Variants in FGFR2 observed in about 807,000 individuals in gnomAD.
FGFR2 encodes fibroblast growth factor receptor 2.
Under a neutral mutation model 95.9 loss-of-function variants are expected in FGFR2, and 19 were observed. The observed-to-expected ratio is 0.20, with a 90% CI of 0.14 to 0.29. The LOEUF is 0.29. Ranked by LOEUF, FGFR2 falls within the 10% of genes least tolerant of loss-of-function variation. FGFR2 has a pLI of 1.00. For synonymous variants in FGFR2, 392 were observed against 393.3 expected, an observed-to-expected ratio of 1.00 and a Z score of 0.04; for missense variants, 707 against 1,056.9, an observed-to-expected ratio of 0.67 and a Z score of 4.59.
chr10:121,521,199 T>TAAGGAGATGCTGGTTTCC (rs1294999620), intron 6 of FGFR2, among the ~76,000 whole-genome samples: 2 of 152,216 alleles, frequency 1.3e-5, no homozygotes. Context: ...GAATGAAACA[T>TAAGGAGATGCTGGTTTCC]AAGGAGATGC....
rs547319962 is a variant in FGFR2, at chr10:121,598,207, G to C, written c.-396C>G. 2.0e-5 allele frequency: 8 copies of C among 397,766 alleles called. No individual in the cohort carries two copies. The South Asian group carries it at 1.0e-3, about 51-fold the overall frequency. The allele number at this position is 397,766 out of a possible 1,614,324, so 24.6% of individuals were successfully genotyped here. A position where few individuals can be genotyped will look rare whatever the true frequency, so the allele number is the denominator to read the frequency against. On this transcript the variant is annotated 5_prime_UTR_variant, in exon 1 of 18. Transcript: ENST00000358487. ...GAGAGGAAGAAAGGACTCAGGCTTG[G>C]CGTTGCCTCCACCAAACTTTGCTCG...
intron 9 of FGFR2, among the ~76,000 whole-genome samples, chr10:121,509,898 G>C (rs1017475296): frequency 4.6e-5 from 7 of 151,972 alleles, no homozygotes; most frequent in African/African-American, 1.5e-4. Flanking sequence ...TAATATTTGT[G>C]TGTTTACTCC....
chr10:121,569,915 T>G (rs2981428), intron 2 of FGFR2, among the ~76,000 whole-genome samples: 65,032 of 152,066 alleles, frequency 0.43, 17,014 homozygotes, highest in Non-Finnish European at 0.57. Context: ...CAAGCACATG[T>G]TAGGGAGAAT....
At chr10:121,532,415 CTG>C (rs1852209127) in intron 6 of FGFR2, among the ~76,000 whole-genome samples, 1 of 152,206 alleles carries the variant, frequency 6.6e-6, no homozygotes. Flanking sequence ...GAAGCCGAGA[CTG>C]AGATGCAGCC....
At chr10:121,499,196 C>T (rs780885492) in intron 11 of FGFR2, among the ~76,000 whole-genome samples, 3 of 152,150 alleles carry the variant, frequency 2.0e-5, no homozygotes, top group Admixed American at 6.5e-5. Flanking sequence ...CATAAACTTC[C>T]GCTCTGTAAT....
At chr10:121,519,767 C>T (rs977927944) in intron 7 of FGFR2, among the ~76,000 whole-genome samples, 4 of 152,182 alleles carry the variant, frequency 2.6e-5, no homozygotes, top group Non-Finnish European at 4.4e-5. Context: ...AGTTCTTCCC[C>T]AAGTTTAGTA....
At chr10:121,582,246 G>A (rs1861058441) in intron 2 of FGFR2, among the ~76,000 whole-genome samples, 1 of 151,890 alleles carries the variant, frequency 6.6e-6, no homozygotes, top group Non-Finnish European at 1.5e-5. Flanking sequence ...CTTCATTTTT[G>A]CAATTATTTG....
chr10:121,500,866 C>CTTGTCT lies in FGFR2; in HGVS notation c.1515_1520dup (p.Asp506_Lys507dup). The stretch of plus-strand genomic sequence containing the variant: ...CGGCCACGGTGACCGCCTCCTTGGG[C>CTTGTCT]TTGTCTTTGTCAATTCCCACTGCTT... On this transcript the variant is annotated inframe_insertion, in exon 11 of 18. Transcript: ENST00000358487. 6.2e-7 allele frequency: 1 copy of CTTGTCT among 1,614,210 alleles called. No homozygotes were observed. The highest frequency in any genetic ancestry group is 8.5e-7 in the Non-Finnish European group (1 of 1,180,046).
chr10:121,525,718 C>A (rs373580743), intron 6 of FGFR2, among the ~76,000 whole-genome samples: 34 of 152,194 alleles, frequency 2.2e-4, no homozygotes, highest in East Asian at 1.7e-3. Flanking sequence ...ACATGCCAGT[C>A]CTCCTCTGGA....
chr10:121,583,971 C>G (rs1861368197), intron 2 of FGFR2, among the ~76,000 whole-genome samples: 1 of 151,980 alleles, frequency 6.6e-6, no homozygotes, highest in Non-Finnish European at 1.5e-5. Flanking sequence ...TGTTAAAGTA[C>G]CTAGCACAGA....
intron 17 of FGFR2, among the ~76,000 whole-genome samples, chr10:121,481,370 G>A (rs1368950892): frequency 2.1e-5 from 3 of 140,508 alleles, no homozygotes; most frequent in African/African-American, 8.2e-5. Flanking sequence ...TGGAATGTTG[G>A]CAACTAGACA....
intron 11 of FGFR2, among the ~76,000 whole-genome samples, chr10:121,499,670 C>T (rs192223533): frequency 6.9e-4 from 105 of 152,282 alleles, no homozygotes; most frequent in African/African-American, 2.4e-3. Context: ...CCAGAAGTTC[C>T]GCCAAAAGAG....
chr10:121,485,601 T>G lies in FGFR2; in HGVS notation c.2058-69A>C. 11 of 1,607,774 alleles carry G rather than the reference T, an allele frequency of 6.8e-6. No individual in the cohort carries two copies. The South Asian group carries it at 1.1e-4, about 16-fold the overall frequency. On this transcript the variant is annotated intron_variant, in intron 15 of 17. Coordinates refer to ENST00000358487, the MANE Select transcript of FGFR2 (RefSeq NM_000141.5). The surrounding 1 kb of genome is among the most constrained non-coding windows in gnomAD (Gnocchi z 4.2). ...TTGCCAAAACCTAAACACGCCCAGC[T>G]GAGACATAAACACCTCCTCACTTCT...
At chr10:121,483,164 A>C (rs550774288) in intron 17 of FGFR2, among the ~76,000 whole-genome samples, 1 of 152,350 alleles carries the variant, frequency 6.6e-6, no homozygotes, top group African/African-American at 2.4e-5. Context: ...TCATTGTAGA[A>C]AACAGTGTAT....
At chr10:121,562,371 G>A (rs1204515863) in intron 4 of FGFR2, among the ~76,000 whole-genome samples, 2 of 150,806 alleles carry the variant, frequency 1.3e-5, no homozygotes, top group African/African-American at 2.4e-5. Context: ...TGCAACCTCC[G>A]CATCCTGGGT....
At chr10:121,513,128 C>T (rs1334052763) in intron 9 of FGFR2, among the ~76,000 whole-genome samples, 1 of 152,220 alleles carries the variant, frequency 6.6e-6, no homozygotes, top group African/African-American at 2.4e-5. Flanking sequence ...CGCGCCTCAG[C>T]CTCCCAAAGT....
chr10:121,570,025 G>A (rs935549384), intron 2 of FGFR2, among the ~76,000 whole-genome samples: 3 of 152,200 alleles, frequency 2.0e-5, no homozygotes, highest in Non-Finnish European at 2.9e-5. Flanking sequence ...CATACGCTGG[G>A]GAGGGGCCAA....
At chr10:121,547,850 G>A (rs569381774) in intron 5 of FGFR2, among the ~76,000 whole-genome samples, 2 of 152,276 alleles carry the variant, frequency 1.3e-5, no homozygotes, top group South Asian at 2.1e-4. Context: ...AGCTCCCCAT[G>A]GGGGAGGCCC....
intron 4 of FGFR2, among the ~76,000 whole-genome samples, chr10:121,562,767 A>G (rs1857166210): frequency 6.6e-6 from 1 of 152,208 alleles, no homozygotes. Flanking sequence ...TACATACCCT[A>G]AAGTCAACCA....
Sources: allele counts gnomAD v4.1 joint callset (sites outside exome capture counted in the v4.1 genomes callset), GRCh38; gene constraint gnomAD v4.1.1; non-coding constraint Gnocchi (gnomAD v3.1); transcripts MANE v1.5; gene names NCBI Gene and HGNC (gene_info 2026-07-23, HGNC 2026-07-21).